Variants in FBXO34 observed in about 807,000 individuals in gnomAD.
The protein encoded by FBXO34 is F-box only protein 34.
A neutral mutation model predicts 24.5 loss-of-function variants in FBXO34; 12 were observed. The observed-to-expected ratio is 0.49, with a 90% CI of 0.31 to 0.79. The LOEUF (loss-of-function observed/expected upper bound fraction) is 0.79, where lower values mean the gene tolerates loss of function less well. Among genes scored for constraint, FBXO34 ranks in the 30% least tolerant of loss-of-function variants. FBXO34 has a pLI of 0.04. For synonymous variants in FBXO34, 320 were observed against 311.9 expected, an observed-to-expected ratio of 1.03 and a Z score of -0.27; for missense variants, 823 against 857.7, an observed-to-expected ratio of 0.96 and a Z score of 0.51.
At position 55,352,595 on chromosome 14, in the gene FBXO34, T is replaced by C. The variant is rs1884431248; in HGVS notation, c.*69T>C. On this transcript the variant is annotated 3_prime_UTR_variant, in exon 2 of 2. Coordinates refer to ENST00000313833, the MANE Select transcript of FBXO34 (RefSeq NM_017943.4). The stretch of plus-strand genomic sequence containing the variant: ...AAAACACCTAGATACACCGTTCAAA[T>C]GAGCGTAGCCCCCTGAGTCATCACT... 7.8e-7 allele frequency: 1 copy of C among 1,288,692 alleles called. No homozygotes were observed. Among genetic ancestry groups the C allele is most frequent in the South Asian group, 1.5e-5 (1 of 67,112 alleles). The allele number at this position is 1,288,692 out of a possible 1,614,324, so 79.8% of individuals were successfully genotyped here.
At chr14:55,380,883 T>C in the FBXO34 span, among the ~76,000 whole-genome samples, 1 of 123,644 alleles carries the variant, frequency 8.1e-6, no homozygotes, top group Non-Finnish European at 1.6e-5. Flanking sequence ...ATATTTTTTT[T>C]TTTTTTTTTG....
chr14:55,430,333 C>G, the FBXO34 span, among the ~76,000 whole-genome samples: 3 of 151,592 alleles, frequency 2.0e-5, no homozygotes, highest in Admixed American at 1.3e-4. Flanking sequence ...ACACTGCCCC[C>G]TCTTGGGTAT....
At chr14:55,290,341 G>A (rs983465790) in intron 1 of FBXO34, among the ~76,000 whole-genome samples, 3 of 151,546 alleles carry the variant, frequency 2.0e-5, no homozygotes, top group African/African-American at 4.8e-5. Flanking sequence ...GCAGTGAGCC[G>A]AGATCGAGCC....
the FBXO34 span, among the ~76,000 whole-genome samples, chr14:55,419,599 A>G: frequency 6.6e-6 from 1 of 152,206 alleles, no homozygotes; most frequent in Non-Finnish European, 1.5e-5. Context: ...GTAGAACAGC[A>G]GGGCCTCTTT....
intron 1 of FBXO34, among the ~76,000 whole-genome samples, chr14:55,349,607 C>CTTTTTTTTTTTTTTTTTTTTT (rs57284715): frequency 8.6e-6 from 1 of 116,636 alleles, no homozygotes; most frequent in Non-Finnish European, 1.7e-5. Flanking sequence ...CAATAATTTT[C>CTTTTTTTTTTTTTTTTTTTTT]TTTTTTTTTT....
At chr14:55,340,707 T>A (rs1380701509) in intron 1 of FBXO34, among the ~76,000 whole-genome samples, 1 of 152,180 alleles carries the variant, frequency 6.6e-6, no homozygotes, top group Non-Finnish European at 1.5e-5. Flanking sequence ...TTTGTGTGTG[T>A]GGTGGCAGAT....
chr14:55,414,384 CT>C, the FBXO34 span: 1 of 1,601,532 alleles, frequency 6.2e-7, no homozygotes, highest in South Asian at 1.1e-5. Flanking sequence ...TATGCTCAGG[CT>C]TTTTTAAAAC....
chr14:55,295,003 C>T (rs1051047164), intron 1 of FBXO34, among the ~76,000 whole-genome samples: 4 of 152,222 alleles, frequency 2.6e-5, no homozygotes, highest in African/African-American at 4.8e-5. Context: ...AATCATCTAA[C>T]GCAGAACCTA....
At chr14:55,315,670 T>A (rs919942121) in intron 1 of FBXO34, among the ~76,000 whole-genome samples, 2 of 152,176 alleles carry the variant, frequency 1.3e-5, no homozygotes, top group Non-Finnish European at 2.9e-5. Flanking sequence ...TAAAGGGAAG[T>A]TCCATTGTTT....
chr14:55,403,423 A>G, the FBXO34 span, among the ~76,000 whole-genome samples: 2 of 152,212 alleles, frequency 1.3e-5, no homozygotes, highest in Admixed American at 1.3e-4. Flanking sequence ...TGTATACTAC[A>G]GTTCCTTCAT....
At chr14:55,330,143 C>G (rs543487632) in intron 1 of FBXO34, among the ~76,000 whole-genome samples, 49 of 152,324 alleles carry the variant, frequency 3.2e-4, no homozygotes, top group South Asian at 6.2e-4. Flanking sequence ...AAATACTACA[C>G]TTAATTGCTA....
chr14:55,372,621 T>C (rs1243609269), downstream of FBXO34, among the ~76,000 whole-genome samples: 3 of 150,746 alleles, frequency 2.0e-5, no homozygotes, highest in Non-Finnish European at 3.0e-5. Context: ...CTCCCTCCCT[T>C]CCTTTCTTCC....
At chr14:55,348,255 G>C (rs142879811) in intron 1 of FBXO34, among the ~76,000 whole-genome samples, 15 of 152,226 alleles carry the variant, frequency 9.9e-5, no homozygotes, top group African/African-American at 2.9e-4. Flanking sequence ...TGGAGACAGG[G>C]TCTTGCTGTG....
rs114227334 is a variant in FBXO34 at position 55,313,414 on chromosome 14, C to T, written c.-10-36967C>T. 5.5e-3 allele frequency among the ~76,000 whole-genome samples: 843 copies of T among 152,256 alleles called. 12 individuals carry two copies. The highest frequency in any genetic ancestry group is 0.019 in the African/African-American group (775 of 41,546). On this transcript the variant is annotated intron_variant, in intron 1 of 1. Transcript: ENST00000313833. The stretch of plus-strand genomic sequence containing the variant: ...ACATCTTCATGTCTTCTTCTGAGTC[C>T]TCCAAATTGTTGCAACCTTTGCCTG...
chr14:55,363,943 A>C (rs1384355389), downstream of FBXO34, among the ~76,000 whole-genome samples: 1 of 134,006 alleles, frequency 7.5e-6, no homozygotes, highest in Non-Finnish European at 1.7e-5. Flanking sequence ...ACCTTCTGCC[A>C]ATTTTCTTTT....
At chr14:55,413,958 G>A in the FBXO34 span, 28 of 496,592 alleles carry the variant, frequency 5.6e-5, no homozygotes, top group African/African-American at 4.3e-4. Context: ...CACCTTTTTC[G>A]TAGATTCGCA....
At chr14:55,330,646 C>T (rs1278382255) in intron 1 of FBXO34, among the ~76,000 whole-genome samples, 2 of 151,906 alleles carry the variant, frequency 1.3e-5, no homozygotes, top group Non-Finnish European at 2.9e-5. Flanking sequence ...AAAAAATTAG[C>T]TGGGAGTGGT....
chr14:55,317,340 C>T (rs1355185573), intron 1 of FBXO34, among the ~76,000 whole-genome samples: 3 of 152,000 alleles, frequency 2.0e-5, no homozygotes, highest in Admixed American at 6.6e-5. Flanking sequence ...ATTAGCCAGG[C>T]GAGGTCGTGC....
chr14:55,377,850 G>C, the FBXO34 span: 5 of 1,601,226 alleles, frequency 3.1e-6, no homozygotes, highest in Non-Finnish European at 4.3e-6. Flanking sequence ...GGACTGACCA[G>C]GTACATTAGA....
Sources: gnomAD v4.1 joint callset for allele counts (sites outside exome capture counted in the v4.1 genomes callset) on GRCh38, gnomAD v4.1.1 for gene constraint, MANE v1.5 for transcripts, NCBI Gene and HGNC (gene_info 2026-07-23, HGNC 2026-07-21) for gene names.